MARCHF4: variants seen among roughly 807,000 people sequenced by gnomAD.
MARCHF4 encodes the protein E3 ubiquitin-protein ligase MARCHF4.
Under a neutral mutation model 43.9 loss-of-function variants are expected in MARCHF4, and 14 were observed. The observed-to-expected ratio is 0.32, with a 90% CI of 0.21 to 0.50. The LOEUF (loss-of-function observed/expected upper bound fraction) is 0.50. MARCHF4 is among the 20% of genes least tolerant of loss of function. The pLI, the probability that MARCHF4 is intolerant of heterozygous loss-of-function variation, is 0.98. For synonymous variants in MARCHF4, 226 were observed against 213.3 expected (o/e 1.06, Z -0.52); for missense variants, 468 against 536.7 (o/e 0.87, Z 1.27).
At chr2:216,357,548 T>G (rs1025061231) in intron 1 of MARCHF4, among the ~76,000 whole-genome samples, 1 of 152,232 alleles carries the variant, frequency 6.6e-6, no homozygotes, top group Non-Finnish European at 1.5e-5. Context: ...CACAAACTCC[T>G]GGGCTCAAGC....
intron 3 of MARCHF4, among the ~76,000 whole-genome samples, chr2:216,272,813 G>A (rs1690961118): frequency 6.6e-6 from 1 of 152,190 alleles, no homozygotes; most frequent in Non-Finnish European, 1.5e-5. Context: ...TTTGTCTGTC[G>A]AGGCAGCTTG....
chr2:216,288,518 ACT>A (rs1432044434), intron 1 of MARCHF4, among the ~76,000 whole-genome samples: 1 of 151,840 alleles, frequency 6.6e-6, no homozygotes, highest in East Asian at 1.9e-4. Flanking sequence ...TTTCTAAGAG[ACT>A]CTGCCCTCCT....
intron 1 of MARCHF4, among the ~76,000 whole-genome samples, chr2:216,355,563 A>AT (rs1214592688): frequency 6.6e-6 from 1 of 152,210 alleles, no homozygotes; most frequent in South Asian, 2.1e-4. Flanking sequence ...CAATAAGTGG[A>AT]TTTTTTGTTG....
At chr2:216,281,289 C>T (rs1691123381) in intron 2 of MARCHF4, among the ~76,000 whole-genome samples, 1 of 152,114 alleles carries the variant, frequency 6.6e-6, no homozygotes, top group South Asian at 2.1e-4. Flanking sequence ...TGTTGAACTC[C>T]TGGCCTCAAG....
chr2:216,297,842 CACTG>C (rs1415754740), intron 1 of MARCHF4, among the ~76,000 whole-genome samples: 3 of 152,200 alleles, frequency 2.0e-5, no homozygotes, highest in African/African-American at 7.2e-5. Context: ...ATTGGTTGAG[CACTG>C]ACTCTTAGCC....
Position 216,369,734 on chromosome 2 carries a change from AG to A in MARCHF4, c.516+10del. The A allele has an allele frequency of 6.5e-7, 1 of 1,548,160 alleles. No homozygotes were observed. The highest frequency in any genetic ancestry group is 1.2e-5 in the South Asian group (1 of 82,120). On this transcript the variant is annotated intron_variant, in intron 1 of 3. Transcript: ENST00000273067. ...ACCACAGGAAGCAGGAGAAGAGAAA[AG>A]GGGACTCACCTGTTCTGGCCCCTGG... is the stretch of plus-strand genomic sequence containing the variant.
chr2:216,366,441 T>C (rs955435806), intron 1 of MARCHF4, among the ~76,000 whole-genome samples: 1 of 152,216 alleles, frequency 6.6e-6, no homozygotes, highest in African/African-American at 2.4e-5. Context: ...GGAGAGAGGC[T>C]ACTCAGTAGC....
chr2:216,320,976 ATGC>A (rs1691886076), intron 1 of MARCHF4, among the ~76,000 whole-genome samples: 1 of 151,276 alleles, frequency 6.6e-6, no homozygotes, highest in Non-Finnish European at 1.5e-5. Flanking sequence ...CCGCACCCAG[ATGC>A]CTCTTTTTCT....
intron 1 of MARCHF4, among the ~76,000 whole-genome samples, chr2:216,368,634 C>T (rs759072683): frequency 6.6e-6 from 1 of 152,250 alleles, no homozygotes; most frequent in Non-Finnish European, 1.5e-5. Flanking sequence ...CCTGGCATGG[C>T]ATCCTACTGC....
At chr2:216,315,196 G>A (rs1422965964) in intron 1 of MARCHF4, among the ~76,000 whole-genome samples, 1 of 152,134 alleles carries the variant, frequency 6.6e-6, no homozygotes, top group Non-Finnish European at 1.5e-5. Flanking sequence ...TTAGTAAATA[G>A]AGACATAAAC....
chr2:216,264,767 C>G (rs2105931890), intron 3 of MARCHF4, among the ~76,000 whole-genome samples: 1 of 152,286 alleles, frequency 6.6e-6, no homozygotes, highest in Middle Eastern at 3.4e-3. Context: ...ACTTAAATTC[C>G]TGGTGTGAAT....
intron 3 of MARCHF4, among the ~76,000 whole-genome samples, chr2:216,260,196 C>T (rs982765346): frequency 5.3e-5 from 8 of 152,200 alleles, no homozygotes. Context: ...CTGCCAGAGG[C>T]AGTGATAGAG....
At chr2:216,261,540 G>A (rs931492182) in intron 3 of MARCHF4, among the ~76,000 whole-genome samples, 1 of 152,194 alleles carries the variant, frequency 6.6e-6, no homozygotes, top group African/African-American at 2.4e-5. Flanking sequence ...GACAGGTTCA[G>A]GGATTAGGAC....
intron 1 of MARCHF4, among the ~76,000 whole-genome samples, chr2:216,316,244 G>T (rs981445681): frequency 6.6e-6 from 1 of 152,200 alleles, no homozygotes; most frequent in Non-Finnish European, 1.5e-5. Context: ...GATTAGAAAG[G>T]TCACTTGTCC....
intron 1 of MARCHF4, among the ~76,000 whole-genome samples, chr2:216,363,043 C>A (rs543417286): frequency 3.3e-5 from 5 of 152,288 alleles, no homozygotes; most frequent in Non-Finnish European, 7.4e-5. Flanking sequence ...ATCTCACAGG[C>A]CACAGCTGGG....
In MARCHF4 at chr2:216,258,332, G is replaced by C. The variant is rs1690685057; in HGVS notation, c.*980C>G. 1 of 152,462 alleles carries C rather than the reference G, an allele frequency of 6.6e-6. No individual in the cohort carries two copies. The highest frequency in any genetic ancestry group is 2.1e-4 in the South Asian group (1 of 4,832). 9.4% of individuals were successfully genotyped at this position (152,462 alleles called of 1,614,324 possible). Reference sequence around the variant, plus strand: ...AGGTCAGGGGTGCCCTACCGTGAGGGGACTGGGTCTGTGCATGTGCCAAGA... The same window carrying C: ...AGGTCAGGGGTGCCCTACCGTGAGGCGACTGGGTCTGTGCATGTGCCAAGA... On this transcript the variant is annotated 3_prime_UTR_variant, in exon 4 of 4. Transcript: ENST00000273067.
At chr2:216,350,789 G>C (rs371851122) in intron 1 of MARCHF4, among the ~76,000 whole-genome samples, 28 of 152,136 alleles carry the variant, frequency 1.8e-4, no homozygotes, top group Non-Finnish European at 3.8e-4. Context: ...ACAATCATTT[G>C]CTCACACACT....
At chr2:216,294,741 C>T (rs1406819118) in intron 1 of MARCHF4, among the ~76,000 whole-genome samples, 1 of 152,218 alleles carries the variant, frequency 6.6e-6, no homozygotes, top group African/African-American at 2.4e-5. Flanking sequence ...GGCTGAGACT[C>T]ATTTTGTGAA....
intron 1 of MARCHF4, among the ~76,000 whole-genome samples, chr2:216,322,199 A>G (rs911010974): frequency 7.2e-5 from 11 of 152,218 alleles, no homozygotes; most frequent in Non-Finnish European, 1.6e-4. Flanking sequence ...AGCATCTCCT[A>G]AAATGTGTTT....
Sources: allele counts gnomAD v4.1 joint callset (sites outside exome capture counted in the v4.1 genomes callset), GRCh38; gene constraint gnomAD v4.1.1; transcripts MANE v1.5; gene names NCBI Gene and HGNC (gene_info 2026-07-23, HGNC 2026-07-21).